ARHGAP19: variants seen among roughly 807,000 people sequenced by gnomAD.
ARHGAP19 encodes the protein Rho GTPase activating protein 19.
In ARHGAP19, 48 loss-of-function variants were observed where a neutral mutation model predicts 60.9. The ratio of observed to expected loss-of-function variants is 0.79; its 90% confidence interval spans 0.62 to 1.00. The LOEUF is 1.00. Among genes scored for constraint, ARHGAP19 ranks in the 50% least tolerant of loss-of-function variants. ARHGAP19 has a pLI of 0.00. For missense variants in ARHGAP19, 562 were observed against 597.2 expected (o/e 0.94, Z 0.61); for synonymous variants, 209 against 215.5 (o/e 0.97, Z 0.27).
At chr10:97,242,283 G>A (rs1842497032) in intron 8 of ARHGAP19, among the ~76,000 whole-genome samples, 1 of 144,260 alleles carries the variant, frequency 6.9e-6, no homozygotes, top group Admixed American at 6.9e-5. Flanking sequence ...TCTAAAAAGT[G>A]CAAAACGTTT....
intron 1 of ARHGAP19, among the ~76,000 whole-genome samples, chr10:97,286,997 G>C (rs1011977429): frequency 6.6e-5 from 10 of 152,158 alleles, no homozygotes; most frequent in African/African-American, 2.2e-4. Context: ...ACCCAGGCTA[G>C]AGTGCAATGG....
chr10:97,263,641 A>G lies in ARHGAP19; in HGVS notation c.404-12T>C. ...CTCTACTCGCAAGTCTGTTTAGCATAAAACAAAGCAGAGGACAGGCAAAAA... is the reference window on the plus strand; with the variant it reads ...CTCTACTCGCAAGTCTGTTTAGCATGAAACAAAGCAGAGGACAGGCAAAAA... On this transcript the variant is annotated splice_polypyrimidine_tract_variant and intron_variant, in intron 3 of 11. Transcript: ENST00000358531. 6.2e-7 allele frequency: 1 copy of G among 1,613,318 alleles called. No individual in the cohort carries two copies. The highest frequency in any genetic ancestry group is 1.1e-5 in the South Asian group (1 of 91,068).
At chr10:97,288,714 T>C (rs903419101) in intron 1 of ARHGAP19, among the ~76,000 whole-genome samples, 4 of 152,022 alleles carry the variant, frequency 2.6e-5, no homozygotes, top group Non-Finnish European at 5.9e-5. Context: ...TATTCACTAA[T>C]TATTGACCAC....
intron 9 of ARHGAP19, among the ~76,000 whole-genome samples, chr10:97,231,801 C>G (rs1189287080): frequency 6.6e-6 from 1 of 152,030 alleles, no homozygotes; most frequent in African/African-American, 2.4e-5. Context: ...ACCCTGCTTT[C>G]AATTCTTTTG....
At chr10:97,244,181 A>C in intron 7 of ARHGAP19, 22 bp from the exon 8 acceptor site, 3 of 1,564,500 alleles carry the variant, frequency 1.9e-6, no homozygotes, top group Non-Finnish European at 2.6e-6. Context: ...TTAAAAGAAG[A>C]GTAAATTAAT....
chr10:97,234,038 G>A (rs1589445172), intron 9 of ARHGAP19, among the ~76,000 whole-genome samples: 2 of 151,910 alleles, frequency 1.3e-5, no homozygotes, highest in African/African-American at 4.8e-5. Flanking sequence ...AGGCTGAGGC[G>A]GGTGAATCAC....
chr10:97,226,034 C>A lies in ARHGAP19; in HGVS notation c.*88G>T. 2.1e-6 allele frequency: 3 copies of A among 1,442,192 alleles called. No homozygotes were observed. Among genetic ancestry groups the A allele is most frequent in the Non-Finnish European group, 2.9e-6 (3 of 1,038,578 alleles). The allele number at this position is 1,442,192 out of a possible 1,614,324, so 89.3% of individuals were successfully genotyped here. On this transcript the variant is annotated 3_prime_UTR_variant, in exon 12 of 12. Coordinates refer to ENST00000358531, the MANE Select transcript of ARHGAP19 (RefSeq NM_032900.6). The stretch of plus-strand genomic sequence containing the variant: ...AATTCAAAATGCAGCAAGCAAGCTG[C>A]AAGTCCAAGCTTTGCTGTGGGCAGG...
chr10:97,273,038 C>T (rs1171304308), intron 1 of ARHGAP19, among the ~76,000 whole-genome samples: 2 of 152,012 alleles, frequency 1.3e-5, no homozygotes, highest in African/African-American at 2.4e-5. Context: ...GACGGGGTTT[C>T]ACCGTGTTAG....
intron 11 of ARHGAP19, among the ~76,000 whole-genome samples, chr10:97,227,923 T>C (rs1850928429): frequency 6.6e-6 from 1 of 152,236 alleles, no homozygotes; most frequent in South Asian, 2.1e-4. Flanking sequence ...TACAGAAAGG[T>C]ATTATTTCCG....
chr10:97,239,576 G>GTGTT (rs1842444020), intron 8 of ARHGAP19, among the ~76,000 whole-genome samples: 3 of 150,770 alleles, frequency 2.0e-5, no homozygotes, highest in African/African-American at 7.3e-5. Context: ...GTGTGTGTGT[G>GTGTT]TGTGTGTGTG....
intron 8 of ARHGAP19, among the ~76,000 whole-genome samples, chr10:97,239,551 G>GTGTGTGTGT (rs1842440252): frequency 4.0e-4 from 8 of 20,216 alleles, no homozygotes; most frequent in African/African-American, 4.9e-4. Context: ...AGAGAGAGAG[G>GTGTGTGTGT]GTGTGTGTGT....
intron 6 of ARHGAP19, among the ~76,000 whole-genome samples, chr10:97,253,001 C>A (rs1842708011): frequency 6.6e-6 from 1 of 152,074 alleles, no homozygotes; most frequent in Admixed American, 6.6e-5. Flanking sequence ...TGTCAAATTG[C>A]AGCAACATGG....
intron 1 of ARHGAP19, among the ~76,000 whole-genome samples, chr10:97,281,800 A>G (rs1166024929): frequency 6.6e-6 from 1 of 152,212 alleles, no homozygotes; most frequent in Non-Finnish European, 1.5e-5. Flanking sequence ...TTTTACCCAT[A>G]TACAAGAGAT....
chr10:97,272,131 C>CTTTTTTTTTTTTTTTTTTTTTTTTTTT (rs35980234), intron 1 of ARHGAP19, among the ~76,000 whole-genome samples: 5 of 85,634 alleles, frequency 5.8e-5, no homozygotes, highest in Non-Finnish European at 1.0e-4. Context: ...GGAAATATGT[C>CTTTTTTTTTTTTTTTTTTTTTTTTTTT]TTTTTTTTTT....
chr10:97,226,254 T>TAA, intron 11 of ARHGAP19, 122 bp from the exon 12 acceptor site: 1 of 948,826 alleles, frequency 1.1e-6, no homozygotes, highest in Non-Finnish European at 1.6e-6. Context: ...GCTAATGAGT[T>TAA]TAATTAAGAA....
At position 97,292,614 on chromosome 10, in the gene ARHGAP19, G is replaced by A. The variant is rs1436643097; in HGVS notation, c.14C>T (p.Ala5Val). 1.9e-6 allele frequency: 3 copies of A among 1,614,186 alleles called. No individual in the cohort carries two copies. The highest frequency in any genetic ancestry group is 1.1e-5 in the South Asian group (1 of 91,070). Residue 5 changes from alanine (A) to valine (V), a missense_variant, in exon 1 of 12, where the codon GCA becomes GTA. By Grantham distance (64) the Ala-to-Val change is moderately conservative. Transcript: ENST00000358531. ...GGCTGGCACCTCCCCTTCACTCTGT[G>A]CCTCAGTCGCCATCTTCGTCAGCAA... MATE[A>V]QSEGEVPARE...
At chr10:97,233,629 A>G (rs1851068670) in intron 9 of ARHGAP19, among the ~76,000 whole-genome samples, 1 of 152,212 alleles carries the variant, frequency 6.6e-6, no homozygotes, top group South Asian at 2.1e-4. Flanking sequence ...GTACTTTGGA[A>G]GGCCAAGGCG....
rs1842497490 is a variant in ARHGAP19, at chr10:97,242,293, T to C, written c.1185+1675A>G. Among the ~76,000 whole-genome samples, 6 of 149,874 alleles carry C rather than the reference T, an allele frequency of 4.0e-5. 1 individual carries two copies. The South Asian group carries it at 1.2e-3, about 31-fold the overall frequency. On this transcript the variant is annotated intron_variant, in intron 8 of 11. Coordinates refer to ENST00000358531, the MANE Select transcript of ARHGAP19 (RefSeq NM_032900.6). ...GTTTTTCTAAAAAGTGCAAAACGTTTTTTTCTTTTTTATCTTTAAGTATCA... is the reference window on the plus strand; with the variant it reads ...GTTTTTCTAAAAAGTGCAAAACGTTCTTTTCTTTTTTATCTTTAAGTATCA...
chr10:97,231,669 AT>A (rs1851020283), intron 9 of ARHGAP19, among the ~76,000 whole-genome samples: 1 of 152,196 alleles, frequency 6.6e-6, no homozygotes, highest in African/African-American at 2.4e-5. Flanking sequence ...ATAATGTTCC[AT>A]TATCTGTATA....
Sources: gnomAD v4.1 joint callset for allele counts (sites outside exome capture counted in the v4.1 genomes callset) on GRCh38, gnomAD v4.1.1 for gene constraint, MANE v1.5 for transcripts, NCBI Gene and HGNC (gene_info 2026-07-23, HGNC 2026-07-21) for gene names.